The following SPINT2 variants were observed in gnomAD, a reference collection of about 807,000 sequenced individuals.
SPINT2 encodes the protein serine peptidase inhibitor, Kunitz type 2.
Under a neutral mutation model 30.1 loss-of-function variants are expected in SPINT2, and 18 were observed. That is an observed-to-expected ratio of 0.60 (90% confidence interval 0.41 to 0.89). The LOEUF (loss-of-function observed/expected upper bound fraction) is 0.89. Ranked by LOEUF, SPINT2 falls within the 40% of genes least tolerant of loss-of-function variation. The pLI is 0.00. For synonymous variants in SPINT2, 139 were observed against 137.9 expected (o/e 1.01, Z -0.05); for missense variants, 276 against 334.3 (o/e 0.83, Z 1.36).
At chr19:38,270,997 T>G (rs1968448521) in intron 1 of SPINT2, among the ~76,000 whole-genome samples, 2 of 152,216 alleles carry the variant, frequency 1.3e-5, no homozygotes, top group Admixed American at 1.3e-4. Context: ...ACAAGTGTCA[T>G]TTCATGGTTT....
chr19:38,290,011 A>G lies in SPINT2; in HGVS notation c.392-108A>G. On this transcript the variant is annotated intron_variant, in intron 4 of 6. Transcript: ENST00000301244. This position sits in a 1 kb window ranked among gnomAD's most constrained non-coding sequence, Gnocchi z 4.3. ...ATTTACAGGCTTCTTTACCAGAGAGATGTTTCTCCGTCTGCTGGAGCCGCA... is the reference window on the plus strand; with the variant it reads ...ATTTACAGGCTTCTTTACCAGAGAGGTGTTTCTCCGTCTGCTGGAGCCGCA... 2 of 1,196,988 alleles carry G rather than the reference A, an allele frequency of 1.7e-6. No individual in the cohort carries two copies. The highest frequency in any genetic ancestry group is 2.5e-6 in the Non-Finnish European group (2 of 810,850). 74.1% of individuals were successfully genotyped at this position (1,196,988 alleles called of 1,614,324 possible). A position where few individuals can be genotyped will look rare whatever the true frequency, so the allele number is the denominator to read the frequency against.
chr19:38,291,185 G>A (rs780022572), intron 6 of SPINT2: 11 of 166,000 alleles, frequency 6.6e-5, no homozygotes, highest in Non-Finnish European at 1.5e-4. Flanking sequence ...GGGTCTGGAG[G>A]GTGGCCCCAA....
chr19:38,291,564 C>A, intron 6 of SPINT2: 1 of 437,542 alleles, frequency 2.3e-6, no homozygotes, highest in African/African-American at 2.0e-5. Flanking sequence ...GTTTTTAGTT[C>A]AAAAAGAAGG....
At chr19:38,274,047 A>G (rs1968487668) in intron 1 of SPINT2, among the ~76,000 whole-genome samples, 1 of 152,090 alleles carries the variant, frequency 6.6e-6, no homozygotes, top group Non-Finnish European at 1.5e-5. Context: ...TCTGGGCAAC[A>G]TGGTGAAACC....
intron 1 of SPINT2, among the ~76,000 whole-genome samples, chr19:38,271,621 C>T (rs1189393423): frequency 6.6e-6 from 1 of 151,132 alleles, no homozygotes; most frequent in Admixed American, 6.6e-5. Flanking sequence ...ATCACGAGAT[C>T]AGGAGTTCAA....
At chr19:38,291,206 T>A (rs1213727589) in intron 6 of SPINT2, 1 of 165,912 alleles carries the variant, frequency 6.0e-6, no homozygotes, top group Non-Finnish European at 1.3e-5. Flanking sequence ...AAAGGCCAAC[T>A]CTGCAGCTCC....
At chr19:38,277,254 G>T (rs1261428956) in intron 1 of SPINT2, among the ~76,000 whole-genome samples, 1 of 151,502 alleles carries the variant, frequency 6.6e-6, no homozygotes, top group Non-Finnish European at 1.5e-5. Flanking sequence ...TTGTTTTTTT[G>T]TTTTTTTGTT....
At chr19:38,289,954 G>A (rs146606205) in intron 4 of SPINT2, 165 bp from the exon 5 acceptor site, 441 of 753,452 alleles carry the variant, frequency 5.9e-4, no homozygotes, top group Non-Finnish European at 8.1e-4. Context: ...AAGGAGCAGC[G>A]CGTCAGAGCC....
At position 38,264,896 on chromosome 19, in the gene SPINT2, G is replaced by C. The variant is rs1389557633; in HGVS notation, c.4G>C (p.Ala2Pro). 6.5e-7 allele frequency: 1 copy of C among 1,534,662 alleles called. No individual in the cohort carries two copies. Among genetic ancestry groups the C allele is most frequent in the Admixed American group, 2.0e-5 (1 of 50,924 alleles). MAQLCGLRRSRA... is the reference protein window; with the variant it reads MPQLCGLRRSRA... ...GCGCGTCTCGGCTGAGCTGGCCATG[G>C]CGCAGCTGTGCGGGCTGAGGCGGAG... The change falls in exon 1 of 7, where the codon GCG (alanine) becomes CCG (proline). Residue 2 changes from alanine to proline, a missense_variant. Physicochemically the swap from Ala to Pro is conservative, Grantham distance 27 (BLOSUM62 -1). Coordinates refer to ENST00000301244, the MANE Select transcript of SPINT2 (RefSeq NM_021102.4).
At chr19:38,284,788 C>G (rs1053319766) in intron 2 of SPINT2, among the ~76,000 whole-genome samples, 2 of 152,110 alleles carry the variant, frequency 1.3e-5, no homozygotes, top group Admixed American at 6.6e-5. Context: ...TGCTCTGTCG[C>G]CCAAGTTGGA....
At chr19:38,276,380 C>T (rs564662840) in intron 1 of SPINT2, among the ~76,000 whole-genome samples, 39 of 152,248 alleles carry the variant, frequency 2.6e-4, no homozygotes, top group African/African-American at 8.2e-4. Flanking sequence ...TGGTGGCTCA[C>T]GCCTGTAATC....
At chr19:38,289,747 C>T (rs1412050225) in intron 4 of SPINT2, 1 of 338,670 alleles carries the variant, frequency 3.0e-6, no homozygotes, top group Non-Finnish European at 5.7e-6. Flanking sequence ...CGTGGCTCTG[C>T]AATTTACATT....
chr19:38,290,295 C>G lies in SPINT2; in HGVS notation c.553+15C>G. Reference sequence around the variant, plus strand: ...CCGCTGCTTCCGTAAGTCTGCAGCCCCTCAGCCCAGGAAGCCCTGCCCTTG... The same window carrying G: ...CCGCTGCTTCCGTAAGTCTGCAGCCGCTCAGCCCAGGAAGCCCTGCCCTTG... On this transcript the variant is annotated intron_variant, in intron 5 of 6. Transcript: ENST00000301244. The surrounding 1 kb of genome is among the most constrained non-coding windows in gnomAD (Gnocchi z 4.3). 1 of 1,610,710 alleles carries G rather than the reference C, an allele frequency of 6.2e-7. No homozygotes were observed. Among genetic ancestry groups the G allele is most frequent in the Non-Finnish European group, 8.5e-7 (1 of 1,179,366 alleles).
intron 2 of SPINT2, 146 bp downstream of exon 2, chr19:38,283,943 G>A (rs977125652): frequency 4.1e-5 from 38 of 917,426 alleles, no homozygotes; most frequent in Admixed American, 1.3e-4. Context: ...CCGGGTTCAC[G>A]CCATTCTCCT....
At chr19:38,268,568 A>T (rs1395822937) in intron 1 of SPINT2, among the ~76,000 whole-genome samples, 1 of 152,232 alleles carries the variant, frequency 6.6e-6, no homozygotes, top group African/African-American at 2.4e-5. Flanking sequence ...TCTTTCAGGC[A>T]GGAGATATGC....
rs8104823 is a variant in SPINT2 at position 38,287,977 on chromosome 19, A to G, written c.337+42A>G. 0.14 allele frequency: 216,867 copies of G among 1,597,628 alleles called. 16,163 individuals are homozygous for G. Among genetic ancestry groups the G allele is most frequent in the South Asian group, 0.23 (20,432 of 90,726 alleles). ...ACCCGCGATGGAGTGAGGCCACCGG[A>G]TGGGTCATTGTGAAAGGACACTTGT... On this transcript the variant is annotated intron_variant, in intron 3 of 6. Transcript: ENST00000301244.
Position 38,264,793 on chromosome 19 carries a change from G to A in SPINT2, c.-100G>A. On this transcript the variant is annotated 5_prime_UTR_variant, in exon 1 of 7. Coordinates refer to ENST00000301244, the MANE Select transcript of SPINT2 (RefSeq NM_021102.4). ...TCCCGGAGCGTCGGCACCTGAACGCGAGGCGCTCCATTGCGCGTGCGCGTT... is the reference window on the plus strand; with the variant it reads ...TCCCGGAGCGTCGGCACCTGAACGCAAGGCGCTCCATTGCGCGTGCGCGTT... 2 of 1,300,124 alleles carry A rather than the reference G, an allele frequency of 1.5e-6. No individual in the cohort carries two copies. The highest frequency in any genetic ancestry group is 3.0e-5 in the African/African-American group (2 of 67,184). 80.5% of individuals were successfully genotyped at this position (1,300,124 alleles called of 1,614,324 possible). A position where few individuals can be genotyped will look rare whatever the true frequency, so the allele number is the denominator to read the frequency against.
intron 1 of SPINT2, among the ~76,000 whole-genome samples, chr19:38,270,512 G>T (rs947284793): frequency 6.6e-6 from 1 of 152,224 alleles, no homozygotes; most frequent in Admixed American, 6.5e-5. Flanking sequence ...ATGAACAGAT[G>T]AATGTATGTC....
In SPINT2 at chr19:38,264,938, C is replaced by T. The variant is rs367656580; in HGVS notation, c.46C>T (p.Leu16=). 862 of 1,536,544 alleles carry T rather than the reference C, an allele frequency of 5.6e-4. 1 individual carries two copies. Among genetic ancestry groups the T allele is most frequent in the Middle Eastern group, 2.5e-3 (12 of 4,790 alleles). Reference sequence around the variant, plus strand: ...GAGGCGGAGCCGGGCGTTTCTCGCCCTGCTGGGATCGCTGCTCCTCTCTGG... The same window carrying T: ...GAGGCGGAGCCGGGCGTTTCTCGCCTTGCTGGGATCGCTGCTCCTCTCTGG... ...GLRRSRAFLA[L]LGSLLLSGVL... is the part of the protein sequence containing the mutation. The change falls in exon 1 of 7, where the codon CTG becomes TTG. Residue 16 remains leucine (L), a synonymous_variant. Transcript: ENST00000301244.
Sources: allele counts gnomAD v4.1 joint callset (sites outside exome capture counted in the v4.1 genomes callset), GRCh38; gene constraint gnomAD v4.1.1; non-coding constraint Gnocchi (gnomAD v3.1); transcripts MANE v1.5; gene names NCBI Gene and HGNC (gene_info 2026-07-23, HGNC 2026-07-21).